NTM: variants seen among roughly 807,000 people sequenced by gnomAD.
NTM encodes IgLON family member 2.
NTM carries 13 observed loss-of-function variants against 42.1 expected under a neutral mutation model. The observed-to-expected ratio is 0.31, with a 90% CI of 0.20 to 0.49. NTM has a LOEUF of 0.49. NTM is among the 20% of genes least tolerant of loss of function. NTM has a pLI of 0.99. For synonymous variants in NTM, 187 were observed against 179.2 expected, an observed-to-expected ratio of 1.04 and a Z score of -0.35; for missense variants, 373 against 452.8, an observed-to-expected ratio of 0.82 and a Z score of 1.60.
intron 2 of NTM, among the ~76,000 whole-genome samples, chr11:132,107,788 A>G (rs1299196334): frequency 6.6e-6 from 1 of 151,994 alleles, no homozygotes; most frequent in Non-Finnish European, 1.5e-5. Context: ...ATAACTCCCT[A>G]GTTTTCTTTG....
chr11:131,766,733 A>G (rs765458525), intron 1 of NTM, among the ~76,000 whole-genome samples: 9 of 152,160 alleles, frequency 5.9e-5, no homozygotes, highest in Non-Finnish European at 1.3e-4. Flanking sequence ...TAAAAATATA[A>G]ATGACATTAT....
At chr11:131,993,487 C>T (rs1024854779) in intron 2 of NTM, among the ~76,000 whole-genome samples, 2 of 152,094 alleles carry the variant, frequency 1.3e-5, no homozygotes, top group Admixed American at 1.3e-4. Flanking sequence ...TTTGAAATGC[C>T]TACAGGGCCT....
rs113251534 is a variant in NTM, at chr11:131,546,329, G to A, written c.82+175441G>A. The stretch of plus-strand genomic sequence containing the variant: ...ATTGATTTTATCTTTCTCTTGGTCC[G>A]TGATCCTTGATACAAACAAGGTTCC... On this transcript the variant is annotated intron_variant, in intron 1 of 8. Coordinates refer to ENST00000683400, the MANE Select transcript of NTM (RefSeq NM_001352005.2). 3.3e-3 allele frequency among the ~76,000 whole-genome samples: 495 copies of A among 152,138 alleles called. 5 individuals carry two copies. Among genetic ancestry groups the A allele is most frequent in the African/African-American group, 0.011 (439 of 41,490 alleles).
At chr11:132,317,969 G>A (rs901761631) in intron 7 of NTM, among the ~76,000 whole-genome samples, 2 of 152,228 alleles carry the variant, frequency 1.3e-5, no homozygotes, top group Non-Finnish European at 2.9e-5. Context: ...CAAAGGCAAA[G>A]GGTAGAGAGT....
intron 1 of NTM, among the ~76,000 whole-genome samples, chr11:131,882,609 A>C (rs987156092): frequency 6.6e-6 from 1 of 152,216 alleles, no homozygotes; most frequent in Non-Finnish European, 1.5e-5. Flanking sequence ...CTCTCTTTAC[A>C]TTCGGAGTAT....
At chr11:131,676,950 C>T (rs891458115) in intron 1 of NTM, among the ~76,000 whole-genome samples, 2 of 152,216 alleles carry the variant, frequency 1.3e-5, no homozygotes, top group Non-Finnish European at 2.9e-5. Context: ...TCTTTAGACT[C>T]TTCGTATCTG....
intron 1 of NTM, among the ~76,000 whole-genome samples, chr11:131,584,973 G>T (rs1050358625): frequency 2.0e-5 from 3 of 151,172 alleles, no homozygotes; most frequent in Non-Finnish European, 2.9e-5. Context: ...TTGAAGAAGC[G>T]CAGCTGCTGA....
chr11:132,118,503 C>A (rs138294542), intron 2 of NTM, among the ~76,000 whole-genome samples: 1,899 of 152,324 alleles, frequency 0.012, 18 homozygotes, highest in Non-Finnish European at 0.02. Context: ...AATCGCACAG[C>A]ACATAAATGG....
At chr11:131,873,538 G>A (rs200277896) in intron 1 of NTM, among the ~76,000 whole-genome samples, 9 of 66,504 alleles carry the variant, frequency 1.4e-4, no homozygotes, top group Admixed American at 1.6e-4. Flanking sequence ...GTGTGTGTGT[G>A]TATATATATA....
At chr11:131,451,662 G>GTA (rs1184723135) in intron 1 of NTM, among the ~76,000 whole-genome samples, 4 of 152,182 alleles carry the variant, frequency 2.6e-5, no homozygotes, top group African/African-American at 9.7e-5. Context: ...TGAAGTCCAG[G>GTA]TGTTTGTGGA....
rs531111100 is a variant in NTM at position 131,527,990 on chromosome 11, A to G, written c.82+157102A>G. 5.2e-4 allele frequency among the ~76,000 whole-genome samples: 79 copies of G among 152,362 alleles called. 2 individuals are homozygous for G. The highest frequency in any genetic ancestry group is 5.2e-3 in the Admixed American group (79 of 15,304). On this transcript the variant is annotated intron_variant, in intron 1 of 8. Transcript: ENST00000683400. The stretch of plus-strand genomic sequence containing the variant: ...GTTTTGAGCATCAACAGAAGGCTCA[A>G]AGGAAATGCTCATTGTGACCCTTCA...
intron 1 of NTM, among the ~76,000 whole-genome samples, chr11:131,751,713 T>C (rs1172377548): frequency 2.6e-5 from 4 of 151,994 alleles, no homozygotes; most frequent in Non-Finnish European, 4.4e-5. Flanking sequence ...TGAGCCAAGA[T>C]GGCACTGCTG....
At chr11:131,577,955 A>G (rs1464795866) in intron 1 of NTM, among the ~76,000 whole-genome samples, 2 of 152,234 alleles carry the variant, frequency 1.3e-5, no homozygotes, top group African/African-American at 2.4e-5. Context: ...TACACTGAAT[A>G]CCAGTAAAAT....
intron 1 of NTM, among the ~76,000 whole-genome samples, chr11:131,897,539 T>A (rs918490925): frequency 5.3e-5 from 8 of 152,224 alleles, no homozygotes; most frequent in Non-Finnish European, 1.0e-4. Flanking sequence ...AGACACCCAG[T>A]GCCTTAGAAC....
intron 1 of NTM, among the ~76,000 whole-genome samples, chr11:131,516,706 G>C (rs1349677590): frequency 6.6e-6 from 1 of 152,200 alleles, no homozygotes; most frequent in Non-Finnish European, 1.5e-5. Flanking sequence ...CCTCCATTGT[G>C]AGAAAATATG....
chr11:131,995,710 A>G (rs1565907529), intron 2 of NTM, among the ~76,000 whole-genome samples: 1 of 152,130 alleles, frequency 6.6e-6, no homozygotes, highest in East Asian at 1.9e-4. Context: ...ACAGAAAGCC[A>G]ACCACCAAGA....
intron 1 of NTM, among the ~76,000 whole-genome samples, chr11:131,389,657 G>T (rs527814886): frequency 6.6e-6 from 1 of 152,306 alleles, no homozygotes; most frequent in Admixed American, 6.5e-5. Flanking sequence ...GGCTTCGTGA[G>T]AAGCTTATTA....
At chr11:132,103,866 C>T (rs1488549513) in intron 2 of NTM, among the ~76,000 whole-genome samples, 1 of 152,202 alleles carries the variant, frequency 6.6e-6, no homozygotes, top group East Asian at 1.9e-4. Flanking sequence ...TGACACACAA[C>T]AGAGGGTGGG....
intron 1 of NTM, among the ~76,000 whole-genome samples, chr11:131,789,991 TCAATGAAGAAAACAA>T (rs1275819181): frequency 7.1e-6 from 1 of 141,694 alleles, no homozygotes; most frequent in Admixed American, 7.0e-5. Context: ...AGCATGCTTC[TCAATGAAGAAAACAA>T]CACATTTTGT....
Sources: gnomAD v4.1 joint callset for allele counts (sites outside exome capture counted in the v4.1 genomes callset) on GRCh38, gnomAD v4.1.1 for gene constraint, MANE v1.5 for transcripts, NCBI Gene and HGNC (gene_info 2026-07-23, HGNC 2026-07-21) for gene names.